MYO16: variants seen among roughly 807,000 people sequenced by gnomAD.
MYO16 encodes the protein myosin XVI, also known as unconventional myosin-XVI.
MYO16 carries 94 observed loss-of-function variants against 205.3 expected under a neutral mutation model. That is an observed-to-expected ratio of 0.46 (90% CI 0.39 to 0.54). The LOEUF is 0.54. Among genes scored for constraint, MYO16 ranks in the 20% least tolerant of loss-of-function variants. MYO16 has a pLI of 0.00. For synonymous variants in MYO16, 988 were observed against 954.0 expected (o/e 1.04, Z -0.66); for missense variants, 2,315 against 2,387.5 (o/e 0.97, Z 0.63).
intron 5 of MYO16, among the ~76,000 whole-genome samples, chr13:108,788,144 T>C (rs552114464): frequency 6.6e-6 from 1 of 152,312 alleles, no homozygotes; most frequent in African/African-American, 2.4e-5. Context: ...CAGTTTCGCA[T>C]CCGAGTACTT....
At chr13:108,581,469 C>G in the MYO16 span, among the ~76,000 whole-genome samples, 1 of 151,978 alleles carries the variant, frequency 6.6e-6, no homozygotes, top group African/African-American at 2.4e-5. Context: ...ACTTATATCT[C>G]TCGCCCTTCT....
At chr13:109,124,361 A>T (rs902278383) in intron 29 of MYO16, among the ~76,000 whole-genome samples, 2 of 152,144 alleles carry the variant, frequency 1.3e-5, no homozygotes, top group African/African-American at 4.8e-5. Flanking sequence ...ACCTGGAGGA[A>T]CTTTCTTAGT....
chr13:108,986,729 C>A (rs1884651381), intron 20 of MYO16, among the ~76,000 whole-genome samples: 1 of 151,270 alleles, frequency 6.6e-6, no homozygotes. Flanking sequence ...GTATACTCTT[C>A]TCACTACTAC....
intron 4 of MYO16, among the ~76,000 whole-genome samples, chr13:108,758,986 G>T (rs1461505341): frequency 1.3e-5 from 2 of 152,014 alleles, no homozygotes; most frequent in Admixed American, 6.6e-5. Flanking sequence ...AATATTAATA[G>T]AAATGTTAGG....
chr13:108,961,723 TGG>T, intron 18 of MYO16, 67 bp downstream of exon 18: 2 of 1,275,390 alleles, frequency 1.6e-6, no homozygotes, highest in Non-Finnish European at 2.3e-6. Flanking sequence ...TACCAGTAGA[TGG>T]CGACATAGTA....
At chr13:108,929,035 A>G (rs1197309396) in intron 16 of MYO16, among the ~76,000 whole-genome samples, 2 of 152,258 alleles carry the variant, frequency 1.3e-5, no homozygotes, top group African/African-American at 4.8e-5. Flanking sequence ...TAATGAAAAC[A>G]AAAGGTATAG....
chr13:108,509,939 T>C, the MYO16 span, among the ~76,000 whole-genome samples: 3 of 152,154 alleles, frequency 2.0e-5, no homozygotes, highest in Admixed American at 2.0e-4. Context: ...AGCCCTTTTA[T>C]TACTAACTTT....
chr13:109,173,955 G>GC (rs1249161041), intron 33 of MYO16, among the ~76,000 whole-genome samples: 1 of 146,268 alleles, frequency 6.8e-6, no homozygotes, highest in African/African-American at 2.5e-5. Flanking sequence ...GATGGGGGGG[G>GC]GTACTCTCTG....
Position 108,914,665 on chromosome 13 carries a change from C to A in MYO16, c.1925+4515C>A, listed in dbSNP as rs192879944. ...ACATTGCTGTAATTCCCTTTTTTTT[C>A]TTTTATTTGCTCTGTCGCCCAGGCT... On this transcript the variant is annotated intron_variant, in intron 16 of 34. Transcript: ENST00000457511. Among the ~76,000 whole-genome samples the A allele has an allele frequency of 1.3e-4, 19 of 151,454 alleles. No individual in the cohort carries two copies. In the East Asian group the frequency reaches 3.5e-3, roughly 28 times the overall value.
intron 4 of MYO16, among the ~76,000 whole-genome samples, chr13:108,762,088 A>C (rs954813359): frequency 6.6e-6 from 1 of 152,152 alleles, no homozygotes; most frequent in Non-Finnish European, 1.5e-5. Flanking sequence ...ATAAGTGAGA[A>C]CTTGTGGTTT....
At chr13:108,975,809 A>G (rs1884234923) in intron 20 of MYO16, among the ~76,000 whole-genome samples, 1 of 152,166 alleles carries the variant, frequency 6.6e-6, no homozygotes, top group Non-Finnish European at 1.5e-5. Flanking sequence ...GTGAAATGGA[A>G]CTTGTATAAT....
chr13:108,851,049 T>C (rs1877836714), intron 10 of MYO16, among the ~76,000 whole-genome samples: 1 of 152,218 alleles, frequency 6.6e-6, no homozygotes, highest in South Asian at 2.1e-4. Context: ...ATTGTTAGCA[T>C]CGTGACTGTA....
At chr13:109,074,533 G>A (rs184012425) in intron 27 of MYO16, among the ~76,000 whole-genome samples, 132 of 152,250 alleles carry the variant, frequency 8.7e-4, no homozygotes, top group African/African-American at 3.1e-3. Flanking sequence ...CTCAGATCTT[G>A]TGAGAACTCT....
At chr13:108,947,185 CG>C in intron 16 of MYO16, among the ~76,000 whole-genome samples, 1 of 152,100 alleles carries the variant, frequency 6.6e-6, no homozygotes, top group Non-Finnish European at 1.5e-5. Flanking sequence ...CTATGTTAGT[CG>C]GTATTTAAGA....
At chr13:108,620,273 T>A (rs1365740290) in intron 1 of MYO16, among the ~76,000 whole-genome samples, 1 of 152,218 alleles carries the variant, frequency 6.6e-6, no homozygotes, top group Non-Finnish European at 1.5e-5. Context: ...AGCTTATTTA[T>A]AACTTTCTTA....
intron 27 of MYO16, among the ~76,000 whole-genome samples, chr13:109,087,520 C>A (rs1888471215): frequency 6.6e-6 from 1 of 151,732 alleles, no homozygotes; most frequent in East Asian, 1.9e-4. Flanking sequence ...GTGGCGGGTG[C>A]CTGTAATCCC....
intron 27 of MYO16, among the ~76,000 whole-genome samples, chr13:109,083,849 G>C (rs933770315): frequency 4.6e-5 from 7 of 152,224 alleles, no homozygotes; most frequent in South Asian, 2.1e-4. Context: ...GTCTGTCAAA[G>C]AGATGGAGTG....
chr13:109,122,494 C>T (rs1034409521), intron 29 of MYO16, among the ~76,000 whole-genome samples: 2 of 152,050 alleles, frequency 1.3e-5, no homozygotes, highest in Non-Finnish European at 2.9e-5. Flanking sequence ...GCCTGGCCAA[C>T]ATAGTGAAAC....
intron 30 of MYO16, among the ~76,000 whole-genome samples, chr13:109,126,079 A>C (rs1325921125): frequency 6.6e-6 from 1 of 152,190 alleles, no homozygotes; most frequent in Admixed American, 6.5e-5. Flanking sequence ...TTGTTTTGCT[A>C]TAGAAACTTG....
Sources: allele counts gnomAD v4.1 joint callset (sites outside exome capture counted in the v4.1 genomes callset), GRCh38; gene constraint gnomAD v4.1.1; transcripts MANE v1.5; gene names NCBI Gene and HGNC (gene_info 2026-07-23, HGNC 2026-07-21).